Variants in FSIP2 observed in about 807,000 individuals in gnomAD.
The protein encoded by FSIP2 is fibrous sheath-interacting protein 2.
A neutral mutation model predicts 510.5 loss-of-function variants in FSIP2; 367 were observed. That is an observed-to-expected ratio of 0.72 (90% CI 0.66 to 0.78). The LOEUF (loss-of-function observed/expected upper bound fraction) is 0.78. Ranked by LOEUF, FSIP2 falls within the 30% of genes least tolerant of loss-of-function variation. FSIP2 has a pLI of 0.00. For missense variants in FSIP2, 7,594 were observed against 7,901.7 expected, an observed-to-expected ratio of 0.96 and a Z score of 1.48; for synonymous variants, 2,601 against 2,732.2, an observed-to-expected ratio of 0.95 and a Z score of 1.50.
At chr2:185,769,319 C>A (rs1395290536) in intron 13 of FSIP2, among the ~76,000 whole-genome samples, 1 of 152,138 alleles carries the variant, frequency 6.6e-6, no homozygotes, top group East Asian at 1.9e-4. Context: ...TTAATACTAA[C>A]CATCCTGACT....
chr2:185,781,602 G>A (rs927731491), intron 13 of FSIP2, among the ~76,000 whole-genome samples: 5 of 152,150 alleles, frequency 3.3e-5, no homozygotes, highest in African/African-American at 1.2e-4. Context: ...CCTAGGGCAG[G>A]TATCAGCTTC....
At chr2:185,752,767 T>C (rs1692173623) in intron 7 of FSIP2, among the ~76,000 whole-genome samples, 1 of 151,456 alleles carries the variant, frequency 6.6e-6, no homozygotes, top group Admixed American at 6.6e-5. Flanking sequence ...CCAACATTTG[T>C]GTCATTTTTG....
At position 185,802,657 on chromosome 2, in the gene FSIP2, A is replaced by G; in HGVS notation, c.13351A>G (p.Thr4451Ala). 6.5e-7 allele frequency: 1 copy of G among 1,533,782 alleles called. No homozygotes were observed. ...CATCCTTAGTAACATCAGTAAATCT[A>G]CTGAGCCAAGCCAGAGTGTACCTCT... ...QDILSNISKS[T>A]EPSQSVPLYN... Residue 4451 changes from threonine (T) to alanine (A), a missense_variant, in exon 17 of 23, where the codon ACT becomes GCT. By Grantham distance (58) the Thr-to-Ala change is moderately conservative (BLOSUM62 0). Transcript: ENST00000424728.
chr2:185,827,429 G>A (rs1694033335), intron 20 of FSIP2, among the ~76,000 whole-genome samples: 1 of 151,776 alleles, frequency 6.6e-6, no homozygotes, highest in Non-Finnish European at 1.5e-5. Context: ...AGAAAACAGA[G>A]TCAGAGAAGT....
At position 185,796,028 on chromosome 2, in the gene FSIP2, TAGCCTCAGC is replaced by T. The variant is rs1247599552; in HGVS notation, c.8895_8903del (p.Ser2967_Leu2969del). ...GTAAATATGGTTTTCCAAACAAGCA[TAGCCTCAGC>T]AGTTTACCAATCTATAACACAAAGA... On this transcript the variant is annotated inframe_deletion, in exon 16 of 23. Transcript: ENST00000424728. The T allele has an allele frequency of 6.5e-7, 1 of 1,533,392 alleles. No homozygotes were observed. The highest frequency in any genetic ancestry group is 2.0e-5 in the Admixed American group (1 of 50,552). The allele number at this position is 1,533,392 out of a possible 1,614,324, so 95.0% of individuals were successfully genotyped here.
chr2:185,805,636 C>G lies in FSIP2; in HGVS notation c.16330C>G (p.Gln5444Glu), dbSNP rs1161354986. ...AGAGAACCAACTTTCTTTACCAGAT[C>G]AATCATATAAAGATACTTCTTCCAC... ...AKENQLSLPD[Q>E]SYKDTSSTPD... Residue 5444 changes from glutamine to glutamate, a missense_variant, in exon 17 of 23, where the codon CAA (glutamine) becomes GAA (glutamate). Physicochemically the swap from Gln to Glu is conservative, Grantham distance 29 (BLOSUM62 2). Transcript: ENST00000424728. 2.5e-6 allele frequency: 4 copies of G among 1,609,386 alleles called. No homozygotes were observed.
Position 185,803,666 on chromosome 2 carries a change from CTA to C in FSIP2, c.14362_14363del (p.Met4788ValfsTer4). 6.5e-7 allele frequency: 1 copy of C among 1,530,950 alleles called. No homozygotes were observed. Among genetic ancestry groups the C allele is most frequent in the Non-Finnish European group, 8.7e-7 (1 of 1,143,744 alleles). 94.8% of individuals were successfully genotyped at this position (1,530,950 alleles called of 1,614,324 possible). ...AGACAAGCTTCAACAATGTATACCA[CTA>C]TGTTATCACATAGTCATTTGGAAAA... On this transcript the variant is annotated frameshift_variant, in exon 17 of 23. Transcript: ENST00000424728. LOFTEE classifies it high-confidence loss of function.
intron 2 of FSIP2, among the ~76,000 whole-genome samples, chr2:185,741,255 T>C (rs1379114895): frequency 6.9e-6 from 1 of 144,474 alleles, no homozygotes; most frequent in Non-Finnish European, 1.5e-5. Flanking sequence ...TTTATTACAT[T>C]AATTCTCCCA....
intron 8 of FSIP2, among the ~76,000 whole-genome samples, chr2:185,754,920 A>C (rs1321342538): frequency 6.6e-6 from 1 of 151,544 alleles, no homozygotes; most frequent in Non-Finnish European, 1.5e-5. Context: ...GAGTGTAAAA[A>C]TTCTAGCATA....
At chr2:185,830,128 AAAAC>A (rs150204469) in intron 21 of FSIP2, among the ~76,000 whole-genome samples, 9 of 151,914 alleles carry the variant, frequency 5.9e-5, no homozygotes, top group South Asian at 2.1e-4. Flanking sequence ...TTACCTACCA[AAAAC>A]AAACAAACAA....
chr2:185,795,436 A>G lies in FSIP2; in HGVS notation c.8300A>G (p.Gln2767Arg). 1 of 1,534,822 alleles carries G rather than the reference A, an allele frequency of 6.5e-7. No homozygotes were observed. The highest frequency in any genetic ancestry group is 8.7e-7 in the Non-Finnish European group (1 of 1,146,024). ...CAAACCAAAGCTTTACCATCTGATCAAATCATAGCAGCAGGTAAAATAGTT... is the reference window on the plus strand; with the variant it reads ...CAAACCAAAGCTTTACCATCTGATCGAATCATAGCAGCAGGTAAAATAGTT... ...VKQTKALPSD[Q>R]IIAAGKIVNT... The change falls in exon 16 of 23, where the codon CAA (glutamine) becomes CGA (arginine). Residue 2767 changes from glutamine (Q) to arginine (R), a missense_variant. Gln to Arg is a conservative substitution (Grantham distance 43, BLOSUM62 1). Transcript: ENST00000424728.
chr2:185,771,926 C>T (rs1456937926), intron 13 of FSIP2, among the ~76,000 whole-genome samples: 1 of 152,196 alleles, frequency 6.6e-6, no homozygotes, highest in East Asian at 1.9e-4. Context: ...TTAGAAGCAG[C>T]CACATCATTT....
intron 16 of FSIP2, among the ~76,000 whole-genome samples, chr2:185,799,409 T>A (rs1431245174): frequency 1.3e-5 from 2 of 151,804 alleles, no homozygotes; most frequent in Non-Finnish European, 2.9e-5. Flanking sequence ...GCCCCAAGCT[T>A]TCCAGCTTCT....
intron 2 of FSIP2, among the ~76,000 whole-genome samples, chr2:185,740,212 A>G (rs939628267): frequency 1.3e-5 from 2 of 152,084 alleles, no homozygotes; most frequent in African/African-American, 4.8e-5. Context: ...AGCTATCAAG[A>G]TTCTCTGAAC....
rs748883565 is a variant in FSIP2 at position 185,801,099 on chromosome 2, C to T, written c.11793C>T (p.Asn3931=). ...GCTCCAAAATACAAGCACCATTTAA[C>T]AAGCATTGTGCAGTAAAATCCTCTT... ...VVSSKIQAPF[N]KHCAVKSSSV... Residue 3931 remains asparagine, a synonymous_variant, in exon 17 of 23, where the codon AAC becomes AAT. Coordinates refer to ENST00000424728, the MANE Select transcript of FSIP2 (RefSeq NM_173651.4). The T allele has an allele frequency of 1.2e-4, 182 of 1,531,966 alleles. 1 individual carries two copies. Among genetic ancestry groups the T allele is most frequent in the Non-Finnish European group, 2.0e-5 (23 of 1,144,778 alleles). The allele number at this position is 1,531,966 out of a possible 1,614,324, so 94.9% of individuals were successfully genotyped here.
intron 13 of FSIP2, among the ~76,000 whole-genome samples, chr2:185,782,022 G>C (rs1692861127): frequency 6.6e-6 from 1 of 152,132 alleles, no homozygotes; most frequent in Non-Finnish European, 1.5e-5. Context: ...ATTTTTAATA[G>C]AGACGGGGTT....
intron 14 of FSIP2, 22 bp downstream of exon 14, chr2:185,782,784 T>C (rs768206699): frequency 1.8e-5 from 22 of 1,220,300 alleles, no homozygotes; most frequent in African/African-American, 3.0e-5. Flanking sequence ...AGGAATTATA[T>C]ATAATCATAA....
Position 185,800,151 on chromosome 2 carries a change from G to C in FSIP2, c.10845G>C (p.Leu3615=). The change falls in exon 17 of 23, where the codon CTG becomes CTC. Residue 3615 remains leucine (L), a synonymous_variant. Transcript: ENST00000424728. ...TCTTAGTAGGAGTGATTCATGTACT[G>C]TCCAAAGAAATAGAAGTAGATTATC... ...QDLLVGVIHV[L]SKEIEVDYHF... 1 of 1,533,214 alleles carries C rather than the reference G, an allele frequency of 6.5e-7. No individual in the cohort carries two copies. The highest frequency in any genetic ancestry group is 1.2e-5 in the South Asian group (1 of 83,756). 95.0% of individuals were successfully genotyped at this position (1,533,214 alleles called of 1,614,324 possible).
At chr2:185,797,963 T>C (rs1366713003) in intron 16 of FSIP2, among the ~76,000 whole-genome samples, 3 of 151,916 alleles carry the variant, frequency 2.0e-5, no homozygotes, top group Non-Finnish European at 4.4e-5. Flanking sequence ...AGTGTTGGGA[T>C]TACTGGCATG....
Sources: allele counts gnomAD v4.1 joint callset (sites outside exome capture counted in the v4.1 genomes callset), GRCh38; gene constraint gnomAD v4.1.1; transcripts MANE v1.5; gene names NCBI Gene and HGNC (gene_info 2026-07-23, HGNC 2026-07-21).